SNTB1: variants seen among roughly 807,000 people sequenced by gnomAD.
SNTB1 encodes syntrophin beta 1.
SNTB1 carries 36 observed loss-of-function variants against 48.9 expected under a neutral mutation model. The observed-to-expected ratio is 0.74, with a 90% CI of 0.56 to 0.97. SNTB1 has a LOEUF of 0.97. Among genes scored for constraint, SNTB1 ranks in the 50% least tolerant of loss-of-function variants. SNTB1 has a pLI of 0.00. For synonymous variants in SNTB1, 299 were observed against 294.6 expected (o/e 1.01, Z -0.15); for missense variants, 786 against 703.4 (o/e 1.12, Z -1.33).
intron 2 of SNTB1, among the ~76,000 whole-genome samples, chr8:120,653,967 A>G (rs902673201): frequency 1.0e-4 from 14 of 138,806 alleles, no homozygotes; most frequent in African/African-American, 2.1e-4. Flanking sequence ...GTGAACCCGG[A>G]AAGCGGAGCT....
intron 2 of SNTB1, among the ~76,000 whole-genome samples, chr8:120,657,881 C>G (rs1817526833): frequency 6.6e-6 from 1 of 152,216 alleles, no homozygotes; most frequent in Admixed American, 6.5e-5. Context: ...TGAACAAGCA[C>G]ACACTTTCTT....
chr8:120,778,697 A>G (rs1299541301), intron 1 of SNTB1, among the ~76,000 whole-genome samples: 3 of 152,230 alleles, frequency 2.0e-5, no homozygotes, highest in Non-Finnish European at 4.4e-5. Flanking sequence ...ATTGCCATCA[A>G]GAGTCCCTGT....
chr8:120,746,251 T>A (rs1819123548), intron 1 of SNTB1, among the ~76,000 whole-genome samples: 1 of 152,244 alleles, frequency 6.6e-6, no homozygotes, highest in African/African-American at 2.4e-5. Context: ...TCTACTTTCA[T>A]TTAATGATAG....
intron 4 of SNTB1, among the ~76,000 whole-genome samples, chr8:120,561,319 C>CAAAAAAAAAAAAA (rs1221884195): frequency 2.2e-5 from 1 of 45,654 alleles, no homozygotes; most frequent in East Asian, 6.8e-4. Context: ...AACTCCATCT[C>CAAAAAAAAAAAAA]AAAAAAAAAA....
At chr8:120,767,828 T>G (rs184711431) in intron 1 of SNTB1, among the ~76,000 whole-genome samples, 10 of 152,346 alleles carry the variant, frequency 6.6e-5, no homozygotes, top group African/African-American at 2.4e-4. Context: ...TTTATTAATA[T>G]ACTGGTAACT....
chr8:120,706,463 G>T (rs1818377035), intron 1 of SNTB1, among the ~76,000 whole-genome samples: 1 of 152,122 alleles, frequency 6.6e-6, no homozygotes. Context: ...GTAGTCTAAA[G>T]TTTATTCATC....
intron 3 of SNTB1, among the ~76,000 whole-genome samples, chr8:120,586,422 C>T (rs1413433014): frequency 1.3e-5 from 2 of 152,222 alleles, no homozygotes; most frequent in South Asian, 4.1e-4. Context: ...TGGGGAGAAC[C>T]CTCTTCCTTG....
At chr8:120,560,119 C>G (rs1204518508) in intron 4 of SNTB1, among the ~76,000 whole-genome samples, 1 of 152,186 alleles carries the variant, frequency 6.6e-6, no homozygotes, top group Non-Finnish European at 1.5e-5. Context: ...CAGGAACACT[C>G]TCTAACTCCC....
At chr8:120,806,065 C>G in intron 1 of SNTB1, among the ~76,000 whole-genome samples, 1 of 152,246 alleles carries the variant, frequency 6.6e-6, no homozygotes. Context: ...TTATTACATT[C>G]GAAAAAGAGT....
intron 1 of SNTB1, among the ~76,000 whole-genome samples, chr8:120,795,495 G>A (rs1221139099): frequency 6.6e-6 from 1 of 151,570 alleles, no homozygotes; most frequent in Non-Finnish European, 1.5e-5. Flanking sequence ...AAAGACAGGT[G>A]GTGTCATTAG....
intron 3 of SNTB1, among the ~76,000 whole-genome samples, chr8:120,576,254 A>T (rs1168957663): frequency 6.6e-6 from 1 of 152,218 alleles, no homozygotes; most frequent in Non-Finnish European, 1.5e-5. Context: ...GACACTGACA[A>T]CTATCAAAGA....
chr8:120,638,302 C>G (rs1327335991), intron 2 of SNTB1: 1 of 152,236 alleles, frequency 6.6e-6, no homozygotes, highest in African/African-American at 2.4e-5. Context: ...GTCTTCTCCA[C>G]TCTCCCACTA....
chr8:120,705,250 A>C (rs941717985), intron 1 of SNTB1, among the ~76,000 whole-genome samples: 1 of 152,244 alleles, frequency 6.6e-6, no homozygotes, highest in African/African-American at 2.4e-5. Context: ...TCATGAGCAA[A>C]TTACTTGGTT....
chr8:120,670,780 G>A lies in SNTB1; in HGVS notation c.788+22912C>T, dbSNP rs201942685. 2.0e-5 allele frequency among the ~76,000 whole-genome samples: 3 copies of A among 152,160 alleles called. No homozygotes were observed. In the East Asian group the frequency reaches 5.8e-4, roughly 29 times the overall value. On this transcript the variant is annotated intron_variant, in intron 2 of 6. Transcript: ENST00000517992. ...ATGGACTCAGAAGCTCTGGGTTTGA[G>A]TCTCAGGTCTGCTCCTAGCAGCTCT... is the stretch of plus-strand genomic sequence containing the variant.
At chr8:120,581,767 A>AT (rs1816054072) in intron 3 of SNTB1, among the ~76,000 whole-genome samples, 1 of 152,138 alleles carries the variant, frequency 6.6e-6, no homozygotes, top group African/African-American at 2.4e-5. Flanking sequence ...TTACTTATTT[A>AT]TTTTTTTAGA....
intron 1 of SNTB1, chr8:120,775,503 G>A (rs1418840666): frequency 6.6e-6 from 1 of 152,072 alleles, no homozygotes; most frequent in East Asian, 1.9e-4. Context: ...AACAAAGGAG[G>A]AGTATAGCAA....
chr8:120,549,976 T>G (rs1048746748), intron 4 of SNTB1, among the ~76,000 whole-genome samples: 1 of 152,196 alleles, frequency 6.6e-6, no homozygotes, highest in East Asian at 1.9e-4. Context: ...AGAGTTATTT[T>G]CTTAGGCAAA....
chr8:120,738,372 A>G (rs1383697495), intron 1 of SNTB1, among the ~76,000 whole-genome samples: 1 of 152,234 alleles, frequency 6.6e-6, no homozygotes, highest in Non-Finnish European at 1.5e-5. Context: ...CTTCTAAAGT[A>G]CTCTTTGGAT....
rs1266365047 is a variant in SNTB1 at position 120,715,052 on chromosome 8, T to C, written c.572-21144A>G. The stretch of plus-strand genomic sequence containing the variant: ...TAAAAGACATAAATCTCCATCACAG[T>C]CGAATTCCCTTTCAATACACAACTG... On this transcript the variant is annotated intron_variant, in intron 1 of 6. Coordinates refer to ENST00000517992, the MANE Select transcript of SNTB1 (RefSeq NM_021021.4). Among the ~76,000 whole-genome samples the C allele has an allele frequency of 2.6e-5, 4 of 152,234 alleles. No individual in the cohort carries two copies. The East Asian group carries it at 7.7e-4, about 29-fold the overall frequency.
Sources: allele counts gnomAD v4.1 joint callset (sites outside exome capture counted in the v4.1 genomes callset), GRCh38; gene constraint gnomAD v4.1.1; transcripts MANE v1.5; gene names NCBI Gene and HGNC (gene_info 2026-07-23, HGNC 2026-07-21).